The following SASH1 variants were observed in gnomAD, a reference collection of about 807,000 sequenced individuals.
SASH1 encodes the protein SAM and SH3 domain-containing protein 1.
Under a neutral mutation model 125.2 loss-of-function variants are expected in SASH1, and 44 were observed. The observed-to-expected ratio is 0.35, with a 90% confidence interval of 0.28 to 0.45. The LOEUF is 0.45. SASH1 is among the 20% of genes least tolerant of loss of function. The pLI, the probability that SASH1 is intolerant of heterozygous loss-of-function variation, is 1.00. For missense variants in SASH1, 1,426 were observed against 1,614.5 expected (o/e 0.88, Z 2.00); for synonymous variants, 639 against 649.1 (o/e 0.98, Z 0.24).
chr6:148,354,378 CAT>C (rs1425868282), intron 1 of SASH1, among the ~76,000 whole-genome samples: 1 of 151,986 alleles, frequency 6.6e-6, no homozygotes, highest in East Asian at 1.9e-4. Flanking sequence ...TATTTAGAAA[CAT>C]GTAAAATATT....
chr6:148,549,704 T>C lies in SASH1; in HGVS notation c.*1146T>C. 5.0e-6 allele frequency: 2 copies of C among 398,386 alleles called. No individual in the cohort carries two copies. Among genetic ancestry groups the C allele is most frequent in the Non-Finnish European group, 4.4e-6 (1 of 225,714 alleles). The allele number at this position is 398,386 out of a possible 1,614,324, so 24.7% of individuals were successfully genotyped here. ...ATCCTTCTTTTTTTATTTAGATAATTCTTTTAATTTAAACAAAGGTTCACT... is the reference window on the plus strand; with the variant it reads ...ATCCTTCTTTTTTTATTTAGATAATCCTTTTAATTTAAACAAAGGTTCACT... On this transcript the variant is annotated 3_prime_UTR_variant, in exon 20 of 20. Transcript: ENST00000367467.
Position 148,474,095 on chromosome 6 carries a change from G to T in SASH1, c.515-15G>T. ...CTTGTTTTCACTCCTGTTGTTCTTT[G>T]TCCTCAATCTCCAGGAGAAGACGTT... On this transcript the variant is annotated splice_polypyrimidine_tract_variant and intron_variant, in intron 6 of 19. Transcript: ENST00000367467. 6.4e-7 allele frequency: 1 copy of T among 1,560,816 alleles called. No individual in the cohort carries two copies. The highest frequency in any genetic ancestry group is 8.8e-7 in the Non-Finnish European group (1 of 1,135,312).
chr6:148,202,919 A>C, the SASH1 span, among the ~76,000 whole-genome samples: 2 of 152,174 alleles, frequency 1.3e-5, no homozygotes, highest in East Asian at 3.9e-4. Context: ...GTGCCATTAC[A>C]CTCCAGCCTA....
intron 8 of SASH1, among the ~76,000 whole-genome samples, chr6:148,507,446 C>T (rs1377076901): frequency 6.6e-6 from 1 of 152,170 alleles, no homozygotes; most frequent in East Asian, 1.9e-4. Flanking sequence ...TCTTGGCTCA[C>T]TGCAGCCTCT....
upstream of SASH1, among the ~76,000 whole-genome samples, chr6:148,269,732 A>G (rs368756008): frequency 3.4e-4 from 52 of 152,342 alleles, no homozygotes; most frequent in East Asian, 5.2e-3. Flanking sequence ...ATTCTGAGGT[A>G]TTCAGTATAT....
rs1780687949 is a variant in SASH1 at position 148,519,751 on chromosome 6, A to G, written c.1067A>G (p.Lys356Arg). The G allele has an allele frequency of 6.2e-7, 1 of 1,614,112 alleles. No individual in the cohort carries two copies. Among genetic ancestry groups the G allele is most frequent in the Non-Finnish European group, 8.5e-7 (1 of 1,180,020 alleles). The change falls in exon 10 of 20, where the codon AAA becomes AGA. Residue 356 changes from lysine (K) to arginine (R), a missense_variant. Around this residue, in one of 3 missense-constraint regions of SASH1, gnomAD observed 567 missense variants for 575.6 expected, o/e 0.99. Coordinates refer to ENST00000367467, the MANE Select transcript of SASH1 (RefSeq NM_015278.5). The surrounding 1 kb of genome is among the most constrained non-coding windows in gnomAD (Gnocchi z 4.8). ...CGGAAGTTGGTCAAAACCTTCAGCA[A>G]AGGAGAGAGCCGGGGCCTGATTAAG... Reference protein sequence around the residue: ...AGRKLVKTFSKGESRGLIKPP... With the variant: ...AGRKLVKTFSRGESRGLIKPP...
chr6:148,543,652 G>A (rs1782359932), intron 17 of SASH1, 28 bp from the exon 18 acceptor site: 1 of 1,508,526 alleles, frequency 6.6e-7, no homozygotes, highest in Non-Finnish European at 8.9e-7. Flanking sequence ...TTTAAAATGT[G>A]ATTGTAAAAT....
At chr6:148,259,706 A>G in the SASH1 span, among the ~76,000 whole-genome samples, 19 of 152,296 alleles carry the variant, frequency 1.2e-4, no homozygotes, top group African/African-American at 4.1e-4. Context: ...TGCCTGGGAA[A>G]CATATGGCTG....
chr6:148,497,524 C>T (rs1779364776), intron 8 of SASH1, among the ~76,000 whole-genome samples: 6 of 152,220 alleles, frequency 3.9e-5, no homozygotes, highest in Admixed American at 3.3e-4. Flanking sequence ...CACCTATTAG[C>T]TCTGTATCTG....
chr6:148,218,131 A>G, the SASH1 span, among the ~76,000 whole-genome samples: 1 of 152,164 alleles, frequency 6.6e-6, no homozygotes, highest in Admixed American at 6.5e-5. Context: ...TGAGTGTAGC[A>G]ACACTGCCAA....
intron 5 of SASH1, among the ~76,000 whole-genome samples, chr6:148,470,341 G>A (rs537264523): frequency 3.9e-5 from 6 of 152,310 alleles, no homozygotes; most frequent in South Asian, 2.1e-4. Flanking sequence ...GTTCCCACAC[G>A]TCTGCTTCAT....
chr6:148,524,121 A>ATATATATATATATATTTT (rs1193506716), intron 10 of SASH1, among the ~76,000 whole-genome samples: 5 of 128,610 alleles, frequency 3.9e-5, no homozygotes, highest in Non-Finnish European at 8.2e-5. Context: ...ATATATATAT[A>ATATATATATATATATTTT]TTTTTTTTAA....
chr6:148,334,243 T>G (rs1781082188), intron 1 of SASH1, among the ~76,000 whole-genome samples: 1 of 138,038 alleles, frequency 7.2e-6, no homozygotes, highest in Non-Finnish European at 1.6e-5. Flanking sequence ...GCTAACACGG[T>G]GAAACCCTGT....
intron 12 of SASH1, among the ~76,000 whole-genome samples, chr6:148,530,224 T>C (rs978896868): frequency 6.6e-6 from 1 of 152,212 alleles, no homozygotes; most frequent in African/African-American, 2.4e-5. Context: ...TTGTAGGTAA[T>C]TCATAAACAT....
At chr6:148,352,093 AC>A (rs1200382942) in intron 1 of SASH1, among the ~76,000 whole-genome samples, 3 of 152,234 alleles carry the variant, frequency 2.0e-5, no homozygotes, top group Admixed American at 2.0e-4. Flanking sequence ...AGTTAATTGA[AC>A]ATCTCTTAGA....
At chr6:148,301,326 CAAAAAA>C (rs746767710) in intron 1 of SASH1, among the ~76,000 whole-genome samples, 1 of 99,792 alleles carries the variant, frequency 1.0e-5, no homozygotes. Flanking sequence ...AACTCCATCT[CAAAAAA>C]AAAAAAAAAA....
At chr6:148,539,897 G>A (rs186977066) in intron 16 of SASH1, among the ~76,000 whole-genome samples, 10 of 152,206 alleles carry the variant, frequency 6.6e-5, no homozygotes, top group African/African-American at 1.7e-4. Flanking sequence ...CCCTCAGCAC[G>A]TGTTGCTGAG....
intron 2 of SASH1, among the ~76,000 whole-genome samples, chr6:148,435,750 TC>T (rs1380151861): frequency 8.5e-5 from 13 of 152,232 alleles, no homozygotes; most frequent in African/African-American, 3.1e-4. Context: ...GGAAACAAAA[TC>T]AACTCTGAAC....
upstream of SASH1, among the ~76,000 whole-genome samples, chr6:148,339,175 T>C (rs1424911672): frequency 1.3e-5 from 2 of 152,056 alleles, no homozygotes; most frequent in African/African-American, 4.8e-5. Flanking sequence ...AGAAAGTAGC[T>C]GGGACTACAG....
Sources: allele counts gnomAD v4.1 joint callset (sites outside exome capture counted in the v4.1 genomes callset), GRCh38; gene constraint gnomAD v4.1.1; regional missense constraint gnomAD v4.1.1; non-coding constraint Gnocchi (gnomAD v3.1); transcripts MANE v1.5; gene names NCBI Gene and HGNC (gene_info 2026-07-23, HGNC 2026-07-21).